Variants in DAPK1 observed in about 807,000 individuals in gnomAD.
DAPK1 encodes the protein death associated protein kinase 1, also known as death-associated protein kinase 1.
In DAPK1, 56 loss-of-function variants were observed where a neutral mutation model predicts 144.9. The ratio of observed to expected loss-of-function variants is 0.39; its 90% confidence interval spans 0.31 to 0.48. The LOEUF (loss-of-function observed/expected upper bound fraction) is 0.48, where lower values mean the gene tolerates loss of function less well. Among genes scored for constraint, DAPK1 ranks in the 20% least tolerant of loss-of-function variants. DAPK1 has a pLI of 0.95. For synonymous variants in DAPK1, 690 were observed against 749.0 expected (o/e 0.92, Z 1.29); for missense variants, 1,454 against 1,875.4 (o/e 0.78, Z 4.15).
chr9:87,574,711 G>A (rs1172603272), intron 2 of DAPK1, among the ~76,000 whole-genome samples: 1 of 152,182 alleles, frequency 6.6e-6, no homozygotes, highest in East Asian at 1.9e-4. Flanking sequence ...CTGAAGTCAG[G>A]AGTTTGAGAC....
chr9:87,609,958 C>T (rs539587426), intron 3 of DAPK1, among the ~76,000 whole-genome samples: 1 of 152,310 alleles, frequency 6.6e-6, no homozygotes, highest in African/African-American at 2.4e-5. Flanking sequence ...GCCCATCCTT[C>T]CCACTGAAAT....
In DAPK1 at chr9:87,698,654, A is replaced by G; in HGVS notation, c.2612-2A>G. The stretch of plus-strand genomic sequence containing the variant: ...CTGAAGCAGTTCCCTCTCTGCCCCC[A>G]GCCTTCGGTGGCAAGCTGAAGAACC... On this transcript the variant is annotated splice_acceptor_variant, in intron 22 of 25. Coordinates refer to ENST00000408954, the MANE Select transcript of DAPK1 (RefSeq NM_004938.4). LOFTEE classifies it high-confidence loss of function. The G allele has an allele frequency of 1.2e-6, 2 of 1,601,512 alleles. No homozygotes were observed.
At chr9:87,517,930 C>T (rs1825123497) in intron 2 of DAPK1, among the ~76,000 whole-genome samples, 1 of 152,010 alleles carries the variant, frequency 6.6e-6, no homozygotes, top group Admixed American at 6.6e-5. Flanking sequence ...ATGTGGTTGA[C>T]CGCATTTCTA....
At chr9:87,542,132 T>C (rs1826078380) in intron 2 of DAPK1, among the ~76,000 whole-genome samples, 1 of 152,234 alleles carries the variant, frequency 6.6e-6, no homozygotes. Flanking sequence ...TTCCTACTCA[T>C]CTGTACCTTT....
intron 23 of DAPK1, among the ~76,000 whole-genome samples, chr9:87,699,799 G>T (rs144771777): frequency 6.6e-6 from 1 of 152,296 alleles, no homozygotes; most frequent in Non-Finnish European, 1.5e-5. Flanking sequence ...GTCCTCACTT[G>T]TAAGGTGCGA....
chr9:87,574,734 CA>C (rs1437181610), intron 2 of DAPK1, among the ~76,000 whole-genome samples: 1 of 151,976 alleles, frequency 6.6e-6, no homozygotes, highest in African/African-American at 2.4e-5. Flanking sequence ...GCCTGGCCAA[CA>C]TGGTGAAACC....
chr9:87,524,614 G>A (rs62562126), intron 2 of DAPK1, among the ~76,000 whole-genome samples: 13,577 of 152,104 alleles, frequency 0.089, 892 homozygotes, highest in East Asian at 0.33. Flanking sequence ...AGCACAATTC[G>A]CAATTGCAAA....
rs1824867188 is a variant in DAPK1 at position 87,686,613 on chromosome 9, A to G, written c.2287A>G (p.Met763Val). 3 of 1,608,354 alleles carry G rather than the reference A, an allele frequency of 1.9e-6. No homozygotes were observed. The highest frequency in any genetic ancestry group is 2.2e-5 in the East Asian group (1 of 44,732). ...CENVSVRSRSMMFEPGLTKGM... is the reference protein window; with the variant it reads ...CENVSVRSRSVMFEPGLTKGM... ...GAACGTGAGTGTGAGGAGCCGCAGC[A>G]TGATGTTCGAGCCGGGTCTTACCAA... Residue 763 changes from methionine (M) to valine (V), a missense_variant, in exon 21 of 26, where the codon ATG becomes GTG. Met to Val is a conservative substitution (Grantham distance 21). Transcript: ENST00000408954. This position sits in a 1 kb window ranked among gnomAD's most constrained non-coding sequence, Gnocchi z 4.2.
rs759128375 is a variant in DAPK1, at chr9:87,706,734, C to T, written c.3663C>T (p.Asn1221=). ...LLDSVCSTIE[N]VMATTLPGLL... Reference sequence around the variant, plus strand: ...ACTCGGTGTGCAGCACCATTGAGAACGTCATGGCCACCACGCTGCCAGGGC... The same window carrying T: ...ACTCGGTGTGCAGCACCATTGAGAATGTCATGGCCACCACGCTGCCAGGGC... The change falls in exon 26 of 26, where the codon AAC becomes AAT. Residue 1221 remains asparagine (N), a synonymous_variant. Coordinates refer to ENST00000408954, the MANE Select transcript of DAPK1 (RefSeq NM_004938.4). This position sits in a 1 kb window ranked among gnomAD's most constrained non-coding sequence, Gnocchi z 9.0. The T allele has an allele frequency of 5.6e-6, 9 of 1,613,278 alleles. No individual in the cohort carries two copies. Among genetic ancestry groups the T allele is most frequent in the South Asian group, 3.3e-5 (3 of 91,080 alleles).
chr9:87,509,153 A>G (rs1460633354), intron 2 of DAPK1, among the ~76,000 whole-genome samples: 1 of 152,220 alleles, frequency 6.6e-6, no homozygotes, highest in Admixed American at 6.5e-5. Context: ...AAACAAAGCT[A>G]CAGGCGCTGC....
At chr9:87,621,768 G>A (rs952236152) in intron 3 of DAPK1, among the ~76,000 whole-genome samples, 8 of 152,072 alleles carry the variant, frequency 5.3e-5, no homozygotes, top group Non-Finnish European at 1.0e-4. Flanking sequence ...ATCTGAATTC[G>A]TTTTTAACTT....
At chr9:87,525,157 G>T (rs992470304) in intron 2 of DAPK1, 2 of 687,004 alleles carry the variant, frequency 2.9e-6, no homozygotes, top group Non-Finnish European at 2.6e-6. Context: ...CAAACAGTTG[G>T]GTGGAAGACT....
intron 5 of DAPK1, 67 bp downstream of exon 5, chr9:87,639,550 A>G (rs1830023737): frequency 6.2e-7 from 1 of 1,610,644 alleles, no homozygotes; most frequent in African/African-American, 1.3e-5. Context: ...CTCCCCTGCT[A>G]GAAGATTCTT....
intron 8 of DAPK1, 123 bp from the exon 9 acceptor site, chr9:87,640,679 G>T: frequency 8.7e-7 from 1 of 1,147,340 alleles, no homozygotes; most frequent in Non-Finnish European, 1.3e-6. Flanking sequence ...TGTTGTTTTT[G>T]GCTTTCTTCC....
chr9:87,576,199 TAC>T (rs1052583085), intron 2 of DAPK1, among the ~76,000 whole-genome samples: 9 of 152,210 alleles, frequency 5.9e-5, no homozygotes, highest in Admixed American at 1.3e-4. Context: ...CGTACACACG[TAC>T]ACACACACGG....
At chr9:87,639,624 C>T (rs1341592055) in intron 5 of DAPK1, 26 bp from the exon 6 acceptor site, 5 of 1,613,784 alleles carry the variant, frequency 3.1e-6, no homozygotes. Flanking sequence ...TCCTCCCAAG[C>T]TAAATGAGTG....
At chr9:87,504,567 GA>G (rs1386295746) in intron 2 of DAPK1, among the ~76,000 whole-genome samples, 1 of 152,110 alleles carries the variant, frequency 6.6e-6, no homozygotes, top group Non-Finnish European at 1.5e-5. Context: ...GGCCAATGAG[GA>G]AACTGAAGGC....
chr9:87,676,310 T>A (rs1242988797), intron 19 of DAPK1, among the ~76,000 whole-genome samples: 1 of 152,250 alleles, frequency 6.6e-6, no homozygotes, highest in Non-Finnish European at 1.5e-5. Context: ...TAGCACCTTC[T>A]AGACCTGGCC....
intron 2 of DAPK1, among the ~76,000 whole-genome samples, chr9:87,529,306 G>A (rs111772462): frequency 2.2e-4 from 33 of 152,132 alleles, no homozygotes; most frequent in African/African-American, 7.7e-4. Context: ...CCCCTTGGTC[G>A]AATTCTTTCT....
Sources: allele counts gnomAD v4.1 joint callset (sites outside exome capture counted in the v4.1 genomes callset), GRCh38; gene constraint gnomAD v4.1.1; non-coding constraint Gnocchi (gnomAD v3.1); transcripts MANE v1.5; gene names NCBI Gene and HGNC (gene_info 2026-07-23, HGNC 2026-07-21).